Variants in FILIP1L observed in about 807,000 individuals in gnomAD.
FILIP1L encodes the protein filamin A interacting protein 1 like.
A neutral mutation model predicts 96.6 loss-of-function variants in FILIP1L; 55 were observed. The observed-to-expected ratio is 0.57, with a 90% CI of 0.46 to 0.71. The LOEUF (loss-of-function observed/expected upper bound fraction) is 0.71, where lower values mean the gene tolerates loss of function less well. Among genes scored for constraint, FILIP1L ranks in the 30% least tolerant of loss-of-function variants. The pLI, the probability that FILIP1L is intolerant of heterozygous loss-of-function variation, is 0.00. For missense variants in FILIP1L, 1,304 were observed against 1,321.2 expected (o/e 0.99, Z 0.20); for synonymous variants, 467 against 473.9 (o/e 0.99, Z 0.19).
intron 1 of FILIP1L, among the ~76,000 whole-genome samples, chr3:100,082,225 G>A (rs1453205753): frequency 6.6e-6 from 1 of 152,158 alleles, no homozygotes. Context: ...GAAGTGTGCT[G>A]CATAGAATTC....
intron 1 of FILIP1L, among the ~76,000 whole-genome samples, chr3:100,087,373 G>C (rs1245546034): frequency 6.6e-6 from 1 of 152,148 alleles, no homozygotes; most frequent in East Asian, 1.9e-4. Flanking sequence ...TATTGTCAGT[G>C]GGTTAGTTTG....
Position 99,850,270 on chromosome 3 carries a change from A to G in FILIP1L, c.1406T>C (p.Ile469Thr). The G allele has an allele frequency of 6.2e-7, 1 of 1,613,718 alleles. No individual in the cohort carries two copies. The highest frequency in any genetic ancestry group is 8.5e-7 in the Non-Finnish European group (1 of 1,179,964). Residue 469 changes from isoleucine (I) to threonine (T), a missense_variant, in exon 5 of 6, where the codon ATC becomes ACC. By Grantham distance (89) the Ile-to-Thr change is moderately conservative. Coordinates refer to ENST00000477258, the MANE Select transcript of FILIP1L (RefSeq NM_001387850.1). ...ACTTTCAATGGCTTCTAGCTCTTTGATCCTTACTTTTAAACTCTCCAGTTC... is the reference window on the plus strand; with the variant it reads ...ACTTTCAATGGCTTCTAGCTCTTTGGTCCTTACTTTTAAACTCTCCAGTTC... ...SQELESLKVRIKELEAIESRL... is the reference protein window; with the variant it reads ...SQELESLKVRTKELEAIESRL...
chr3:100,098,426 C>A (rs2066248467), intron 1 of FILIP1L, among the ~76,000 whole-genome samples: 2 of 152,150 alleles, frequency 1.3e-5, no homozygotes, highest in Admixed American at 1.3e-4. Flanking sequence ...ACTAGAATGG[C>A]TACCTCACAG....
intron 5 of FILIP1L, among the ~76,000 whole-genome samples, chr3:99,844,617 G>A (rs1206624384): frequency 6.6e-6 from 1 of 152,132 alleles, no homozygotes; most frequent in East Asian, 1.9e-4. Context: ...AGAATCCTTA[G>A]ACTACAAATC....
intron 1 of FILIP1L, among the ~76,000 whole-genome samples, chr3:99,981,728 T>G (rs899383825): frequency 1.1e-4 from 16 of 152,210 alleles, no homozygotes; most frequent in African/African-American, 3.9e-4. Flanking sequence ...GTCTGCCTGA[T>G]TCCAAATTGC....
chr3:99,936,502 A>C (rs1359191123), intron 1 of FILIP1L, among the ~76,000 whole-genome samples: 8 of 141,400 alleles, frequency 5.7e-5, no homozygotes, highest in Non-Finnish European at 1.2e-4. Context: ...CAGCCTCCCA[A>C]GTAGCTGGGA....
At chr3:99,909,499 G>T (rs1410773836) in intron 4 of FILIP1L, among the ~76,000 whole-genome samples, 2 of 152,102 alleles carry the variant, frequency 1.3e-5, no homozygotes, top group African/African-American at 4.8e-5. Context: ...TGTGAATAAT[G>T]AAAAGTCAAA....
chr3:100,052,082 CAT>C (rs1335422292), intron 1 of FILIP1L, among the ~76,000 whole-genome samples: 4 of 152,046 alleles, frequency 2.6e-5, no homozygotes, highest in Non-Finnish European at 4.4e-5. Flanking sequence ...TTATTTGTCA[CAT>C]GTTATTTAGG....
chr3:99,969,087 C>T (rs1024160253), intron 1 of FILIP1L, among the ~76,000 whole-genome samples: 8 of 151,992 alleles, frequency 5.3e-5, no homozygotes, highest in African/African-American at 1.9e-4. Context: ...GGAGCTCGGT[C>T]CTGGGAGTGC....
At position 100,016,994 on chromosome 3, in the gene FILIP1L, A is replaced by G. The variant is rs139952535; in HGVS notation, c.-10-85964T>C. ...AAGATTTGCTTTAATTTTGTTGAAC[A>G]GTAATGGAGATCTTTAAATGGGTTT... is the stretch of plus-strand genomic sequence containing the variant. On this transcript the variant is annotated intron_variant, in intron 1 of 5. Transcript: ENST00000477258. Among the ~76,000 whole-genome samples, 637 of 152,330 alleles carry G rather than the reference A, an allele frequency of 4.2e-3. 4 individuals carry two copies. The highest frequency in any genetic ancestry group is 0.015 in the African/African-American group (608 of 41,572).
intron 1 of FILIP1L, among the ~76,000 whole-genome samples, chr3:100,031,807 T>C (rs1390518883): frequency 6.6e-6 from 1 of 152,188 alleles, no homozygotes; most frequent in Non-Finnish European, 1.5e-5. Flanking sequence ...CAGACTTTTT[T>C]GTAAAAGCAA....
chr3:100,101,201 T>G (rs1275327381), intron 1 of FILIP1L, among the ~76,000 whole-genome samples: 1 of 152,136 alleles, frequency 6.6e-6, no homozygotes, highest in Non-Finnish European at 1.5e-5. Flanking sequence ...ATACTAAGAC[T>G]GAGAAAGAAT....
chr3:100,013,214 G>GTGTTGTTGTTGT lies in FILIP1L; in HGVS notation c.-10-82196_-10-82185dup, dbSNP rs35047568. Among the ~76,000 whole-genome samples, 390 of 145,520 alleles carry GTGTTGTTGTTGT rather than the reference G, an allele frequency of 2.7e-3. 4 individuals are homozygous for GTGTTGTTGTTGT. Among genetic ancestry groups the GTGTTGTTGTTGT allele is most frequent in the East Asian group, 8.4e-3 (39 of 4,638 alleles). Reference sequence around the variant, plus strand: ...AGCAGCCCATTTCAAGGCCAGTGAGGTGTTGTTGTTGTTGTTGTTGTTGTT... The same window carrying GTGTTGTTGTTGT: ...AGCAGCCCATTTCAAGGCCAGTGAGGTGTTGTTGTTGTTGTTGTTGTTGTTGTTGTTGTTGTT... On this transcript the variant is annotated intron_variant, in intron 1 of 5. Transcript: ENST00000477258.
rs538744249 is a variant in FILIP1L at position 100,092,958 on chromosome 3, C to G, written c.-11+21095G>C. 3.1e-4 allele frequency among the ~76,000 whole-genome samples: 47 copies of G among 152,030 alleles called. 1 individual carries two copies. Among genetic ancestry groups the G allele is most frequent in the South Asian group, 1.0e-3 (5 of 4,812 alleles). On this transcript the variant is annotated intron_variant, in intron 1 of 5. Transcript: ENST00000477258. Reference sequence around the variant, plus strand: ...GACATTCTCCTGGATACACATAACTCTCACTACCTATGGATCCAGCCTGAT... The same window carrying G: ...GACATTCTCCTGGATACACATAACTGTCACTACCTATGGATCCAGCCTGAT...
chr3:99,913,125 A>G (rs752825762), intron 4 of FILIP1L, among the ~76,000 whole-genome samples: 2 of 152,218 alleles, frequency 1.3e-5, no homozygotes, highest in Non-Finnish European at 2.9e-5. Context: ...GGCCCTTACC[A>G]GAATACTTCT....
intron 1 of FILIP1L, among the ~76,000 whole-genome samples, chr3:100,096,220 A>G (rs2066205027): frequency 6.6e-6 from 1 of 152,106 alleles, no homozygotes; most frequent in Non-Finnish European, 1.5e-5. Context: ...CAGAAAACTA[A>G]AACTAGAGCT....
At chr3:99,991,359 A>C (rs573391415) in intron 1 of FILIP1L, among the ~76,000 whole-genome samples, 10 of 152,290 alleles carry the variant, frequency 6.6e-5, no homozygotes, top group African/African-American at 2.4e-4. Flanking sequence ...AGGTTTTAGG[A>C]GTAATAATAG....
chr3:100,064,354 C>T lies in FILIP1L; in HGVS notation c.-11+49699G>A, dbSNP rs9871820. On this transcript the variant is annotated intron_variant, in intron 1 of 5. Transcript: ENST00000477258. ...CCAATTTGCCACCAGCTCCCCAGTC[C>T]CACGGCCTCTCTTTTTCCAGCTAAT... Among the ~76,000 whole-genome samples the T allele has an allele frequency of 4.9e-3, 748 of 152,184 alleles. 5 individuals carry two copies. Among genetic ancestry groups the T allele is most frequent in the African/African-American group, 0.017 (703 of 41,510 alleles).
chr3:100,087,812 A>G (rs1223496352), intron 1 of FILIP1L, among the ~76,000 whole-genome samples: 2 of 136,062 alleles, frequency 1.5e-5, no homozygotes, highest in Non-Finnish European at 3.2e-5. Context: ...ACTCACAAAG[A>G]TTTTCTCCTA....
Sources: gnomAD v4.1 joint callset for allele counts (sites outside exome capture counted in the v4.1 genomes callset) on GRCh38, gnomAD v4.1.1 for gene constraint, MANE v1.5 for transcripts, NCBI Gene and HGNC (gene_info 2026-07-23, HGNC 2026-07-21) for gene names.